PLS1: variants seen among roughly 807,000 people sequenced by gnomAD.
PLS1 encodes plastin 1.
In PLS1, 32 loss-of-function variants were observed where a neutral mutation model predicts 73.7. That is an observed-to-expected ratio of 0.43 (90% confidence interval 0.33 to 0.58). The LOEUF (loss-of-function observed/expected upper bound fraction) is 0.58, where lower values mean the gene tolerates loss of function less well. Ranked by LOEUF, PLS1 falls within the 20% of genes least tolerant of loss-of-function variation. The probability of loss-of-function intolerance (pLI) is 0.04; values close to 1 mark genes in which losing one functional copy is unlikely to be tolerated. For synonymous variants in PLS1, 217 were observed against 261.3 expected (o/e 0.83, Z 1.63); for missense variants, 633 against 740.5 (o/e 0.85, Z 1.68).
chr3:142,604,199 G>A (rs540418725), intron 1 of PLS1, among the ~76,000 whole-genome samples: 2 of 152,196 alleles, frequency 1.3e-5, no homozygotes, highest in Non-Finnish European at 1.5e-5. Context: ...GGAAGGATCG[G>A]TCTTGTTAAT....
At chr3:142,606,293 G>A (rs11720744) in intron 1 of PLS1, among the ~76,000 whole-genome samples, 8 of 151,976 alleles carry the variant, frequency 5.3e-5, no homozygotes, top group Non-Finnish European at 1.0e-4. Flanking sequence ...TTTTTTTTGA[G>A]TATGTTATGT....
At chr3:142,680,721 A>G (rs551161878) in intron 6 of PLS1, among the ~76,000 whole-genome samples, 1 of 152,166 alleles carries the variant, frequency 6.6e-6, no homozygotes, top group Non-Finnish European at 1.5e-5. Context: ...CTGAGTACTT[A>G]CTGGGTATCA....
intron 1 of PLS1, among the ~76,000 whole-genome samples, chr3:142,652,767 G>A (rs895335443): frequency 3.9e-5 from 6 of 152,194 alleles, no homozygotes; most frequent in Admixed American, 2.0e-4. Flanking sequence ...AAGAGGCTAC[G>A]TTGTTGTTGG....
At chr3:142,612,021 T>C (rs56383228) in intron 1 of PLS1, among the ~76,000 whole-genome samples, 33,233 of 152,140 alleles carry the variant, frequency 0.22, 4,559 homozygotes, top group African/African-American at 0.39. Flanking sequence ...TGACATATTA[T>C]GCTTCTCTAG....
intron 6 of PLS1, among the ~76,000 whole-genome samples, chr3:142,679,818 T>C (rs1197309824): frequency 6.6e-6 from 1 of 152,210 alleles, no homozygotes; most frequent in African/African-American, 2.4e-5. Context: ...AAAAAAGTCA[T>C]TGGTAGCTTG....
At chr3:142,682,241 A>C (rs1030756334) in intron 6 of PLS1, among the ~76,000 whole-genome samples, 1 of 152,330 alleles carries the variant, frequency 6.6e-6, no homozygotes, top group East Asian at 1.9e-4. Context: ...AGAATCTTAG[A>C]GTATAAACTG....
At chr3:142,613,742 G>A (rs2036164338) in intron 1 of PLS1, among the ~76,000 whole-genome samples, 1 of 152,110 alleles carries the variant, frequency 6.6e-6, no homozygotes, top group South Asian at 2.1e-4. Flanking sequence ...CATTGTACAT[G>A]CAAATAACAG....
chr3:142,647,502 T>C (rs1292647020), intron 1 of PLS1, among the ~76,000 whole-genome samples: 1 of 101,496 alleles, frequency 9.9e-6, no homozygotes, highest in Non-Finnish European at 2.2e-5. Context: ...CTTTTTCTTT[T>C]CTTTTTTTTT....
chr3:142,604,100 A>AT (rs1010209205), intron 1 of PLS1, among the ~76,000 whole-genome samples: 1 of 152,140 alleles, frequency 6.6e-6, no homozygotes, highest in African/African-American at 2.4e-5. Flanking sequence ...AGCTCCTTCA[A>AT]TTTTTTTGAG....
chr3:142,658,784 AT>A (rs1310098182), intron 1 of PLS1, among the ~76,000 whole-genome samples: 1 of 152,228 alleles, frequency 6.6e-6, no homozygotes, highest in Admixed American at 6.5e-5. Flanking sequence ...TAATGTAAAT[AT>A]AGTTGGAAGA....
At chr3:142,597,398 G>A (rs2035832979) in intron 1 of PLS1, 1 of 152,082 alleles carries the variant, frequency 6.6e-6, no homozygotes, top group South Asian at 2.1e-4. Context: ...TTTCCTTTAA[G>A]TTGAATTATG....
At chr3:142,645,487 A>C (rs1233363051) in intron 1 of PLS1, 2 of 152,208 alleles carry the variant, frequency 1.3e-5, no homozygotes, top group Non-Finnish European at 2.9e-5. Flanking sequence ...CTCAGACTCA[A>C]GTTGGATCAT....
intron 1 of PLS1, among the ~76,000 whole-genome samples, chr3:142,600,901 TATATATATATATA>T (rs1560024436): frequency 3.1e-4 from 10 of 31,916 alleles, no homozygotes; most frequent in African/African-American, 1.2e-3. Flanking sequence ...TATATATATA[TATATATATATATA>T]TATTTTTTTT....
chr3:142,681,198 C>CT (rs1560066040), intron 6 of PLS1, among the ~76,000 whole-genome samples: 1 of 151,870 alleles, frequency 6.6e-6, no homozygotes, highest in East Asian at 1.9e-4. Context: ...CTTTAATGCA[C>CT]TAAATATAAA....
At chr3:142,670,546 G>T (rs566006920) in intron 3 of PLS1, among the ~76,000 whole-genome samples, 57 of 152,332 alleles carry the variant, frequency 3.7e-4, no homozygotes, top group African/African-American at 1.3e-3. Context: ...CCAATCTCTG[G>T]TGAGTCCAGT....
chr3:142,609,871 T>C (rs2036087174), intron 1 of PLS1, among the ~76,000 whole-genome samples: 1 of 152,204 alleles, frequency 6.6e-6, no homozygotes. Context: ...CTTGTATGTA[T>C]GTATGTATTT....
chr3:142,686,394 C>T lies in PLS1; in HGVS notation c.981+18C>T. 7.0e-7 allele frequency: 1 copy of T among 1,434,916 alleles called. No homozygotes were observed. Among genetic ancestry groups the T allele is most frequent in the Non-Finnish European group, 9.8e-7 (1 of 1,016,798 alleles). The allele number at this position is 1,434,916 out of a possible 1,614,324, so 88.9% of individuals were successfully genotyped here. On this transcript the variant is annotated intron_variant, in intron 9 of 15. Transcript: ENST00000457734. ...GAATTAATGTGAGTGCAATTTTTAA[C>T]TTTTAAAATATATTGTGGTAAAACA...
At chr3:142,617,424 G>C (rs1252967201) in intron 1 of PLS1, among the ~76,000 whole-genome samples, 1 of 152,208 alleles carries the variant, frequency 6.6e-6, no homozygotes, top group African/African-American at 2.4e-5. Flanking sequence ...AATAGTTACT[G>C]TGTTGCAAGA....
chr3:142,703,420 T>C (rs562058903), intron 12 of PLS1, among the ~76,000 whole-genome samples: 34 of 151,706 alleles, frequency 2.2e-4, no homozygotes, highest in African/African-American at 8.0e-4. Flanking sequence ...CTCAGCCTCC[T>C]GAGTAGATGG....
Sources: gnomAD v4.1 joint callset for allele counts (sites outside exome capture counted in the v4.1 genomes callset) on GRCh38, gnomAD v4.1.1 for gene constraint, MANE v1.5 for transcripts, NCBI Gene and HGNC (gene_info 2026-07-23, HGNC 2026-07-21) for gene names.